TENT2: variants seen among roughly 807,000 people sequenced by gnomAD.
TENT2 encodes the protein poly(A) RNA polymerase GLD2.
In TENT2, 44 loss-of-function variants were observed where a neutral mutation model predicts 72.2. That is an observed-to-expected ratio of 0.61 (90% CI 0.48 to 0.78). TENT2 has a LOEUF of 0.78. Among genes scored for constraint, TENT2 ranks in the 30% least tolerant of loss-of-function variants. The probability of loss-of-function intolerance (pLI) is 0.00; values close to 1 mark genes in which losing one functional copy is unlikely to be tolerated. For missense variants in TENT2, 541 were observed against 569.6 expected (o/e 0.95, Z 0.51); for synonymous variants, 212 against 192.5 (o/e 1.10, Z -0.84).
intron 13 of TENT2, among the ~76,000 whole-genome samples, chr5:79,681,493 G>C (rs1335930370): frequency 1.3e-5 from 2 of 151,852 alleles, no homozygotes; most frequent in Non-Finnish European, 2.9e-5. Context: ...CCATCCACTT[G>C]GGCCATAACT....
chr5:79,643,387 A>T (rs1053684286), intron 7 of TENT2, among the ~76,000 whole-genome samples: 10 of 152,190 alleles, frequency 6.6e-5, no homozygotes, highest in Non-Finnish European at 1.5e-5. Flanking sequence ...CTAATTGTTG[A>T]CTTAAGCCAT....
intron 13 of TENT2, among the ~76,000 whole-genome samples, chr5:79,680,039 TTTA>T (rs1379826566): frequency 6.6e-6 from 1 of 152,188 alleles, no homozygotes; most frequent in African/African-American, 2.4e-5. Flanking sequence ...AAGTTGGACT[TTTA>T]TTAATAGAAA....
intron 4 of TENT2, among the ~76,000 whole-genome samples, chr5:79,626,551 C>G (rs575371435): frequency 6.6e-6 from 1 of 152,084 alleles, no homozygotes; most frequent in African/African-American, 2.4e-5. Flanking sequence ...TCGTGATCCA[C>G]CCTCCTTGGC....
chr5:79,639,973 A>G (rs2150387028), intron 4 of TENT2, among the ~76,000 whole-genome samples: 1 of 152,158 alleles, frequency 6.6e-6, no homozygotes, highest in Admixed American at 6.5e-5. Context: ...AAAGGGTGGT[A>G]GGGCCGGGTG....
chr5:79,664,994 C>T (rs1038011566), intron 11 of TENT2, among the ~76,000 whole-genome samples: 1 of 152,078 alleles, frequency 6.6e-6, no homozygotes, highest in African/African-American at 2.4e-5. Flanking sequence ...ATATACTTAC[C>T]TTGATCTCAC....
At chr5:79,648,881 T>C (rs911738795) in intron 9 of TENT2, 181 bp from the exon 10 acceptor site, 4 of 846,610 alleles carry the variant, frequency 4.7e-6, no homozygotes, top group Non-Finnish European at 7.2e-6. Flanking sequence ...ATTTTAATAA[T>C]TGATAATTTT....
chr5:79,626,577 A>G (rs1580237469), intron 4 of TENT2, among the ~76,000 whole-genome samples: 1 of 150,548 alleles, frequency 6.6e-6, no homozygotes, highest in Admixed American at 6.6e-5. Flanking sequence ...AAAGTGCTGG[A>G]ATTACAGGCG....
intron 11 of TENT2, among the ~76,000 whole-genome samples, chr5:79,658,358 CT>C (rs35709204): frequency 0.11 from 16,257 of 142,916 alleles, 980 homozygotes; most frequent in East Asian, 0.29. Flanking sequence ...TTTATTTATT[CT>C]TTTTTTTTTT....
At chr5:79,645,533 G>A (rs993703926) in intron 8 of TENT2, among the ~76,000 whole-genome samples, 17 of 152,020 alleles carry the variant, frequency 1.1e-4, no homozygotes, top group Admixed American at 5.2e-4. Flanking sequence ...CTAATATCAA[G>A]GGGTTTGTTT....
At chr5:79,616,689 A>G (rs1348633038) in intron 1 of TENT2, among the ~76,000 whole-genome samples, 1 of 152,180 alleles carries the variant, frequency 6.6e-6, no homozygotes, top group Admixed American at 6.5e-5. Flanking sequence ...CCTCTGAAGA[A>G]GCTAGGGTGT....
rs908982269 is a variant in TENT2, at chr5:79,686,964, G to T, written c.*1691G>T. 3.3e-5 allele frequency among the ~76,000 whole-genome samples: 5 copies of T among 152,096 alleles called. No individual in the cohort carries two copies. The highest frequency in any genetic ancestry group is 3.3e-4 in the Admixed American group (5 of 15,258). On this transcript the variant is annotated 3_prime_UTR_variant, in exon 15 of 15. Transcript: ENST00000453514. ...GACTGGGTAATCATTATAAGCATTA[G>T]TCATAGTACTATTCAGTAATACTGT...
At chr5:79,617,518 T>C (rs1348166998) in intron 1 of TENT2, 1 of 152,214 alleles carries the variant, frequency 6.6e-6, no homozygotes, top group Non-Finnish European at 1.5e-5. Context: ...CAGTTGATTT[T>C]TCTTTTCTTA....
intron 10 of TENT2, among the ~76,000 whole-genome samples, chr5:79,651,607 T>A (rs1329520165): frequency 1.3e-5 from 2 of 151,730 alleles, no homozygotes; most frequent in African/African-American, 4.8e-5. Context: ...CACATTTTGA[T>A]TTTTTTTGTT....
intron 4 of TENT2, among the ~76,000 whole-genome samples, chr5:79,636,584 G>C (rs542432908): frequency 1.7e-3 from 265 of 152,282 alleles, no homozygotes; most frequent in African/African-American, 6.2e-3. Context: ...TCAGTTTCTA[G>C]AAAGAAGCCT....
chr5:79,658,169 A>G (rs1245508851), intron 11 of TENT2, among the ~76,000 whole-genome samples: 1 of 152,178 alleles, frequency 6.6e-6, no homozygotes, highest in African/African-American at 2.4e-5. Flanking sequence ...GCCTTTTAGA[A>G]TCTTGCTATC....
intron 12 of TENT2, 37 bp downstream of exon 12, chr5:79,669,065 T>A: frequency 6.8e-7 from 1 of 1,462,506 alleles, no homozygotes; most frequent in East Asian, 2.4e-5. Flanking sequence ...TTCACTTATA[T>A]GTGTGTGTGT....
At chr5:79,616,983 GATTT>G (rs1381453917) in intron 1 of TENT2, among the ~76,000 whole-genome samples, 11 of 152,034 alleles carry the variant, frequency 7.2e-5, no homozygotes, top group Non-Finnish European at 1.6e-4. Flanking sequence ...GTTTGTGAGG[GATTT>G]ATTAATTTCT....
intron 4 of TENT2, among the ~76,000 whole-genome samples, chr5:79,636,729 T>C (rs995331127): frequency 6.6e-6 from 1 of 152,192 alleles, no homozygotes; most frequent in Non-Finnish European, 1.5e-5. Context: ...TCCATGAATG[T>C]GGTGTATCTC....
rs1279234111 is a variant in TENT2 at position 79,687,126 on chromosome 5, T to TA, written c.*1854dup. Among the ~76,000 whole-genome samples, 13 of 9,762 alleles carry TA rather than the reference T, an allele frequency of 1.3e-3. No homozygotes were observed. In the African/African-American group the frequency reaches 0.017, roughly 13 times the overall value. 6.4% of individuals were successfully genotyped at this position (9,762 alleles called of 152,430 possible). On this transcript the variant is annotated 3_prime_UTR_variant, in exon 15 of 15. Coordinates refer to ENST00000453514, the MANE Select transcript of TENT2 (RefSeq NM_001114394.3). ...TCTCAGTTTTCAGTGGCCCCACACT[T>TA]ACTACTGCTTTTCTTTGTTTTACCA...
Sources: allele counts gnomAD v4.1 joint callset (sites outside exome capture counted in the v4.1 genomes callset), GRCh38; gene constraint gnomAD v4.1.1; transcripts MANE v1.5; gene names NCBI Gene and HGNC (gene_info 2026-07-23, HGNC 2026-07-21).